PRDM16: variants seen among roughly 807,000 people sequenced by gnomAD.
PRDM16 encodes histone-lysine N-methyltransferase PRDM16.
A neutral mutation model predicts 110.6 loss-of-function variants in PRDM16; 23 were observed. That is an observed-to-expected ratio of 0.21 (90% confidence interval 0.15 to 0.29). The LOEUF (loss-of-function observed/expected upper bound fraction) is 0.29. PRDM16 is among the 10% of genes least tolerant of loss of function. The pLI is 1.00. For missense variants in PRDM16, 1,615 were observed against 1,794.3 expected, an observed-to-expected ratio of 0.90 and a Z score of 1.81; for synonymous variants, 799 against 781.8, an observed-to-expected ratio of 1.02 and a Z score of -0.37.
chr1:3,131,759 C>G (rs2050703), intron 1 of PRDM16, among the ~76,000 whole-genome samples: 2,058 of 152,226 alleles, frequency 0.014, 53 homozygotes, highest in African/African-American at 0.046. Flanking sequence ...CTCCAGGCCC[C>G]GCAAACCTCA....
chr1:3,250,347 G>C (rs975256218), intron 3 of PRDM16, among the ~76,000 whole-genome samples: 1 of 152,128 alleles, frequency 6.6e-6, no homozygotes, highest in Non-Finnish European at 1.5e-5. Context: ...GGGCGGTCCC[G>C]CAGGGGCCCC....
chr1:3,174,875 C>T (rs72846839), intron 1 of PRDM16, among the ~76,000 whole-genome samples: 8,851 of 152,220 alleles, frequency 0.058, 363 homozygotes, highest in East Asian at 0.2. Flanking sequence ...GAGATAGAAA[C>T]GGCAATTGAT....
At position 3,411,624 on chromosome 1, in the gene PRDM16, C is replaced by T; in HGVS notation, c.1427C>T (p.Pro476Leu). Residue 476 changes from proline (P) to leucine (L), a missense_variant, in exon 9 of 17, where the codon CCC becomes CTC. Physicochemically the swap from Pro to Leu is moderately conservative, Grantham distance 98. Coordinates refer to ENST00000270722, the MANE Select transcript of PRDM16 (RefSeq NM_022114.4). ...SPMMDKAKPS[P>L]SLNHASLGFN... is the part of the protein sequence containing the mutation. Reference sequence around the variant, plus strand: ...ATGATGGACAAGGCAAAACCCTCCCCCAGCCTCAATCACGCCAGCCTGGGC... The same window carrying T: ...ATGATGGACAAGGCAAAACCCTCCCTCAGCCTCAATCACGCCAGCCTGGGC... The T allele has an allele frequency of 6.2e-7, 1 of 1,613,978 alleles. No homozygotes were observed. Among genetic ancestry groups the T allele is most frequent in the Non-Finnish European group, 8.5e-7 (1 of 1,179,970 alleles).
chr1:3,070,699 C>T (rs1250843227), intron 1 of PRDM16, among the ~76,000 whole-genome samples: 1 of 152,072 alleles, frequency 6.6e-6, no homozygotes, highest in Non-Finnish European at 1.5e-5. Flanking sequence ...GCGCGGGACT[C>T]GCGGCGGTTT....
At chr1:3,177,899 T>C (rs1644107462) in intron 1 of PRDM16, among the ~76,000 whole-genome samples, 1 of 152,212 alleles carries the variant, frequency 6.6e-6, no homozygotes, top group Non-Finnish European at 1.5e-5. Context: ...CATCTCGAGG[T>C]GGCCTTTGGG....
chr1:3,216,591 A>G (rs981688840), intron 2 of PRDM16, among the ~76,000 whole-genome samples: 6 of 152,120 alleles, frequency 3.9e-5, no homozygotes, highest in Non-Finnish European at 8.8e-5. Context: ...ACACTCAATG[A>G]CCTGCCATAG....
At chr1:3,146,174 C>A (rs759747460) in intron 1 of PRDM16, among the ~76,000 whole-genome samples, 1 of 152,216 alleles carries the variant, frequency 6.6e-6, no homozygotes, top group East Asian at 1.9e-4. Context: ...GATATTCTGC[C>A]GCCTTCTGCA....
rs577632435 is a variant in PRDM16 at position 3,221,678 on chromosome 1, G to T, written c.388-22409G>T. On this transcript the variant is annotated intron_variant, in intron 2 of 16. Coordinates refer to ENST00000270722, the MANE Select transcript of PRDM16 (RefSeq NM_022114.4). ...TGCCCGGCCCTGAAATGTCCACCCT[G>T]GGCATGTGGGACACACATGGATGCC... Among the ~76,000 whole-genome samples, 6 of 152,280 alleles carry T rather than the reference G, an allele frequency of 3.9e-5. No homozygotes were observed. The East Asian group carries it at 9.7e-4, about 25-fold the overall frequency.
intron 3 of PRDM16, among the ~76,000 whole-genome samples, chr1:3,270,400 A>AGGAGGAGGACAGTCCC (rs1640416840): frequency 7.3e-6 from 1 of 137,506 alleles, no homozygotes; most frequent in African/African-American, 2.8e-5. Context: ...GAGGACAGTC[A>AGGAGGAGGACAGTCCC]GGAGGAGGAC....
intron 1 of PRDM16, among the ~76,000 whole-genome samples, chr1:3,085,580 T>C (rs957620132): frequency 6.6e-6 from 1 of 152,254 alleles, no homozygotes; most frequent in Non-Finnish European, 1.5e-5. Context: ...TGGGCCTCTC[T>C]GAGCCCAGTG....
rs989090181 is a variant in PRDM16 at position 3,358,586 on chromosome 1, G to C, written c.439-26566G>C. 6.6e-6 allele frequency among the ~76,000 whole-genome samples: 1 copy of C among 152,138 alleles called. No homozygotes were observed. Among genetic ancestry groups the C allele is most frequent in the African/African-American group, 2.4e-5 (1 of 41,430 alleles). On this transcript the variant is annotated intron_variant, in intron 3 of 16. Coordinates refer to ENST00000270722, the MANE Select transcript of PRDM16 (RefSeq NM_022114.4). The surrounding 1 kb of genome is among the most constrained non-coding windows in gnomAD (Gnocchi z 4.0). ...CACTGGGGCCGGAAGAGGAGCTCTC[G>C]GACCCCTCCCTCCTGCCCTCAGCCC... is the stretch of plus-strand genomic sequence containing the variant.
At chr1:3,291,053 C>T (rs1640962595) in intron 3 of PRDM16, among the ~76,000 whole-genome samples, 1 of 151,942 alleles carries the variant, frequency 6.6e-6, no homozygotes, top group African/African-American at 2.4e-5. Flanking sequence ...AGGAGGATCG[C>T]CCAGGCAGCA....
chr1:3,295,786 C>T (rs997189153), intron 3 of PRDM16, among the ~76,000 whole-genome samples: 12 of 152,232 alleles, frequency 7.9e-5, no homozygotes, highest in Middle Eastern at 3.4e-3. Flanking sequence ...GAAGACACCA[C>T]GCGTGCAGCC....
At chr1:3,378,994 CAG>C (rs1000023317) in intron 3 of PRDM16, among the ~76,000 whole-genome samples, 2 of 151,894 alleles carry the variant, frequency 1.3e-5, no homozygotes, top group African/African-American at 2.4e-5. Flanking sequence ...TCAGGCATCT[CAG>C]GGGAGACCCC....
intron 2 of PRDM16, among the ~76,000 whole-genome samples, chr1:3,205,390 G>A (rs1638731803): frequency 6.6e-6 from 1 of 152,178 alleles, no homozygotes; most frequent in Non-Finnish European, 1.5e-5. Context: ...ATGTGCCTGT[G>A]TGGCCAGCTG....
intron 3 of PRDM16, among the ~76,000 whole-genome samples, chr1:3,291,362 C>T (rs1338504741): frequency 6.6e-6 from 1 of 152,204 alleles, no homozygotes; most frequent in African/African-American, 2.4e-5. Flanking sequence ...CCTTCTGCCC[C>T]TGTGTTGCTT....
intron 3 of PRDM16, among the ~76,000 whole-genome samples, chr1:3,326,791 C>T (rs951674973): frequency 1.3e-5 from 2 of 152,228 alleles, no homozygotes; most frequent in African/African-American, 4.8e-5. Flanking sequence ...CCAGCCGCCG[C>T]GTGGCCTGAC....
intron 1 of PRDM16, among the ~76,000 whole-genome samples, chr1:3,071,868 A>C (rs545959609): frequency 4.2e-4 from 64 of 152,262 alleles, no homozygotes; most frequent in Admixed American, 1.8e-3. Flanking sequence ...GTGCATCTGG[A>C]GGTGTAATTT....
At chr1:3,287,412 C>T (rs1479240558) in intron 3 of PRDM16, among the ~76,000 whole-genome samples, 3 of 73,854 alleles carry the variant, frequency 4.1e-5, no homozygotes, top group Admixed American at 1.4e-4. Context: ...CTGGAGCCGC[C>T]CCGCCACGCG....
Sources: allele counts gnomAD v4.1 joint callset (sites outside exome capture counted in the v4.1 genomes callset), GRCh38; gene constraint gnomAD v4.1.1; non-coding constraint Gnocchi (gnomAD v3.1); transcripts MANE v1.5; gene names NCBI Gene and HGNC (gene_info 2026-07-23, HGNC 2026-07-21).